Variants in CNOT2 observed in about 807,000 individuals in gnomAD.
CNOT2 encodes the protein CC chemokine receptor 4-negative regulator of transcription 2.
CNOT2 carries 7 observed loss-of-function variants against 72.1 expected under a neutral mutation model. That is an observed-to-expected ratio of 0.10 (90% confidence interval 0.06 to 0.18). The LOEUF (loss-of-function observed/expected upper bound fraction) is 0.18. Among genes scored for constraint, CNOT2 ranks in the 10% least tolerant of loss-of-function variants. CNOT2 has a pLI of 1.00. For synonymous variants in CNOT2, 196 were observed against 225.6 expected (o/e 0.87, Z 1.17); for missense variants, 345 against 660.3 (o/e 0.52, Z 5.23).
intron 2 of CNOT2, among the ~76,000 whole-genome samples, chr12:70,302,168 C>G (rs1229706029): frequency 6.6e-6 from 1 of 152,122 alleles, no homozygotes; most frequent in Admixed American, 6.6e-5. Flanking sequence ...AAAACCAGCT[C>G]CTGGATTCAT....
intron 1 of CNOT2, among the ~76,000 whole-genome samples, chr12:70,277,156 G>A (rs1054123241): frequency 6.6e-6 from 1 of 151,974 alleles, no homozygotes; most frequent in Non-Finnish European, 1.5e-5. Context: ...TTAGTGGCTA[G>A]CAAGATTATT....
chr12:70,299,035 G>A (rs754099130), intron 2 of CNOT2, among the ~76,000 whole-genome samples: 11 of 152,204 alleles, frequency 7.2e-5, no homozygotes, highest in African/African-American at 2.4e-4. Flanking sequence ...TAACAAAGAC[G>A]TACCCGAGAC....
At chr12:70,248,694 T>C (rs1235070545) in intron 1 of CNOT2, among the ~76,000 whole-genome samples, 1 of 152,098 alleles carries the variant, frequency 6.6e-6, no homozygotes, top group Non-Finnish European at 1.5e-5. Flanking sequence ...TTTTAGTAGA[T>C]ATGCTAATAT....
intron 3 of CNOT2, among the ~76,000 whole-genome samples, chr12:70,313,007 A>G (rs1313484231): frequency 6.6e-6 from 1 of 152,032 alleles, no homozygotes; most frequent in African/African-American, 2.4e-5. Context: ...CATATTTTCC[A>G]TCAAAAAGTT....
Position 70,354,304 on chromosome 12 carries a change from A to G in CNOT2, c.*389A>G, listed in dbSNP as rs550967701. On this transcript the variant is annotated 3_prime_UTR_variant, in exon 16 of 16. Transcript: ENST00000229195. ...TTAGACCACAAATTTTGCATTGTTC[A>G]TTGTAGCACTATTGGTAATAAAATA... 1.6e-5 allele frequency: 3 copies of G among 182,420 alleles called. No individual in the cohort carries two copies. The highest frequency in any genetic ancestry group is 3.7e-4 in the South Asian group (2 of 5,360). 11.3% of individuals were successfully genotyped at this position (182,420 alleles called of 1,614,324 possible).
Position 70,330,453 on chromosome 12 carries a change from C to A in CNOT2, c.553C>A (p.Pro185Thr). ...CMPKQQPSRQ[P>T]FTVNSMSGFG... ...GCCAAAGCAGCAGCCTTCTCGACAG[C>A]CTTTTACTGTGAACAGGTAAGATGT... The change falls in exon 6 of 16, where the codon CCT becomes ACT. Residue 185 changes from proline (P) to threonine (T), a missense_variant. By Grantham distance (38) the Pro-to-Thr change is conservative (BLOSUM62 -1). Around this residue, in one of 4 missense-constraint regions of CNOT2, gnomAD observed 157 missense variants for 235.3 expected, o/e 0.67. Coordinates refer to ENST00000229195, the MANE Select transcript of CNOT2 (RefSeq NM_014515.7). 6.2e-7 allele frequency: 1 copy of A among 1,611,468 alleles called. No homozygotes were observed. The highest frequency in any genetic ancestry group is 8.5e-7 in the Non-Finnish European group (1 of 1,178,296).
intron 11 of CNOT2, among the ~76,000 whole-genome samples, chr12:70,339,068 GTGTGTGTGTATATATATATATATACACA>G (rs1881124205): frequency 1.6e-5 from 2 of 123,932 alleles, no homozygotes; most frequent in African/African-American, 6.9e-5. Flanking sequence ...ATGTATATAT[GTGTGTGTGTATATATATATATATACACA>G]CACACACACA....
intron 2 of CNOT2, among the ~76,000 whole-genome samples, chr12:70,297,375 C>T (rs1384716931): frequency 6.6e-6 from 1 of 152,090 alleles, no homozygotes; most frequent in Non-Finnish European, 1.5e-5. Flanking sequence ...ATTTGTTACT[C>T]AGTATGAAGC....
intron 4 of CNOT2, among the ~76,000 whole-genome samples, chr12:70,320,725 C>T (rs1878157501): frequency 6.6e-6 from 1 of 151,726 alleles, no homozygotes; most frequent in Non-Finnish European, 1.5e-5. Flanking sequence ...CTGCAAAGAA[C>T]TTACTTTACC....
intron 14 of CNOT2, chr12:70,344,728 A>G (rs921889040): frequency 6.6e-6 from 1 of 152,214 alleles, no homozygotes; most frequent in Non-Finnish European, 1.5e-5. Context: ...CCCTGTCTCT[A>G]AAAATAACTA....
chr12:70,270,717 A>T (rs747714119), intron 1 of CNOT2, among the ~76,000 whole-genome samples: 23 of 152,158 alleles, frequency 1.5e-4, no homozygotes, highest in Admixed American at 3.3e-4. Flanking sequence ...TATTCTGAGC[A>T]TTTATAGCTA....
At chr12:70,315,101 G>T (rs1487128111) in intron 3 of CNOT2, among the ~76,000 whole-genome samples, 3 of 151,872 alleles carry the variant, frequency 2.0e-5, no homozygotes, top group Admixed American at 2.0e-4. Flanking sequence ...TGACCTCAGG[G>T]GATCTGCCCT....
intron 1 of CNOT2, among the ~76,000 whole-genome samples, chr12:70,264,345 G>T (rs181916948): frequency 4.6e-5 from 7 of 152,194 alleles, no homozygotes; most frequent in African/African-American, 1.4e-4. Context: ...GGTACCCTTA[G>T]GCTTGAACTT....
chr12:70,319,330 G>T lies in CNOT2; in HGVS notation c.204G>T (p.Leu68=), dbSNP rs759344237. The T allele has an allele frequency of 6.2e-7, 1 of 1,610,632 alleles. No individual in the cohort carries two copies. The highest frequency in any genetic ancestry group is 8.5e-7 in the Non-Finnish European group (1 of 1,177,726). ...MLASPSTSGQ[L]SQFGASLYGQ... ...CATCACCATCTACATCAGGTCAGCTGTCTCAGTTTGGGGCAAGTTTATACG... is the reference window on the plus strand; with the variant it reads ...CATCACCATCTACATCAGGTCAGCTTTCTCAGTTTGGGGCAAGTTTATACG... Residue 68 remains leucine, a synonymous_variant, in exon 4 of 16, where the codon CTG becomes CTT. Transcript: ENST00000229195.
intron 1 of CNOT2, among the ~76,000 whole-genome samples, chr12:70,245,480 T>G (rs919969327): frequency 3.9e-5 from 6 of 152,206 alleles, no homozygotes; most frequent in African/African-American, 1.4e-4. Flanking sequence ...ATGTAAACAT[T>G]TGTTGGCAGG....
chr12:70,315,305 T>G lies in CNOT2; in HGVS notation c.172-3993T>G, dbSNP rs183132310. Among the ~76,000 whole-genome samples the G allele has an allele frequency of 3.9e-5, 6 of 152,288 alleles. No individual in the cohort carries two copies. The East Asian group carries it at 9.6e-4, about 24-fold the overall frequency. On this transcript the variant is annotated intron_variant, in intron 3 of 15. Transcript: ENST00000229195. The stretch of plus-strand genomic sequence containing the variant: ...TCTGTCTAGATCTGGAACTCTTATG[T>G]GTGTGCATGCATATGCTTTCTTCCT...
intron 1 of CNOT2, among the ~76,000 whole-genome samples, chr12:70,262,454 T>C (rs1335754066): frequency 6.6e-6 from 1 of 151,784 alleles, no homozygotes; most frequent in Non-Finnish European, 1.5e-5. Context: ...TTTTGTATTT[T>C]TTAGTGGAGA....
chr12:70,296,345 C>T (rs1872787033), intron 2 of CNOT2, among the ~76,000 whole-genome samples: 1 of 152,120 alleles, frequency 6.6e-6, no homozygotes, highest in Non-Finnish European at 1.5e-5. Context: ...AAGCCTATTT[C>T]CAACCAGTCA....
At chr12:70,329,300 C>A in intron 4 of CNOT2, 123 bp from the exon 5 acceptor site, 1 of 597,610 alleles carries the variant, frequency 1.7e-6, no homozygotes, top group Non-Finnish European at 3.0e-6. Flanking sequence ...TCGAATATAT[C>A]CATTTAAAAT....
Sources: allele counts gnomAD v4.1 joint callset (sites outside exome capture counted in the v4.1 genomes callset), GRCh38; gene constraint gnomAD v4.1.1; regional missense constraint gnomAD v4.1.1; transcripts MANE v1.5; gene names NCBI Gene and HGNC (gene_info 2026-07-23, HGNC 2026-07-21).